Variants in COL13A1 observed in about 807,000 individuals in gnomAD.
The protein encoded by COL13A1 is collagen alpha-1(XIII) chain.
Under a neutral mutation model 130.9 loss-of-function variants are expected in COL13A1, and 89 were observed. The ratio of observed to expected loss-of-function variants is 0.68; its 90% CI spans 0.57 to 0.81. COL13A1 has a LOEUF of 0.81. Ranked by LOEUF, COL13A1 falls within the 30% of genes least tolerant of loss-of-function variation. The probability of loss-of-function intolerance (pLI) is 0.00; values close to 1 mark genes in which losing one functional copy is unlikely to be tolerated. For synonymous variants in COL13A1, 402 were observed against 341.6 expected (o/e 1.18, Z -1.95); for missense variants, 879 against 934.6 (o/e 0.94, Z 0.78).
At position 69,887,399 on chromosome 10, in the gene COL13A1, AT is replaced by A. The variant is rs1455177053; in HGVS notation, c.514-55del. On this transcript the variant is annotated intron_variant, in intron 7 of 40. Coordinates refer to ENST00000645393, the MANE Select transcript of COL13A1 (RefSeq NM_001368882.1). The stretch of plus-strand genomic sequence containing the variant: ...GCAAAGATGAACTGGAGGCCTAGGG[AT>A]TGGCTCTGTCTCCTCCTTGCTCAAT... The A allele has an allele frequency of 3.8e-6, 6 of 1,570,246 alleles. No homozygotes were observed. In the South Asian group the frequency reaches 6.7e-5, roughly 18 times the overall value.
intron 2 of COL13A1, among the ~76,000 whole-genome samples, chr10:69,833,018 G>A (rs1348319365): frequency 1.3e-5 from 2 of 152,188 alleles, no homozygotes; most frequent in Non-Finnish European, 2.9e-5. Context: ...CAAGTGCCTC[G>A]AAGGTAGACC....
At chr10:69,944,236 C>G (rs376886704) in intron 36 of COL13A1, 58 bp downstream of exon 36, 4 of 1,449,504 alleles carry the variant, frequency 2.8e-6, no homozygotes, top group Non-Finnish European at 3.9e-6. Flanking sequence ...TGCCTGGGAC[C>G]CAACACCAGG....
At chr10:69,945,273 T>C (rs936518170) in intron 36 of COL13A1, among the ~76,000 whole-genome samples, 7 of 152,220 alleles carry the variant, frequency 4.6e-5, no homozygotes, top group Non-Finnish European at 8.8e-5. Context: ...GACCACCAGC[T>C]TGGGGAAACC....
At chr10:69,899,068 C>A (rs2061939956) in intron 14 of COL13A1, among the ~76,000 whole-genome samples, 1 of 152,206 alleles carries the variant, frequency 6.6e-6, no homozygotes, top group Non-Finnish European at 1.5e-5. Context: ...ATGAATTAGG[C>A]ATGATCATCC....
At chr10:69,807,909 A>ATT (rs1491452269) in intron 1 of COL13A1, among the ~76,000 whole-genome samples, 1 of 152,204 alleles carries the variant, frequency 6.6e-6, no homozygotes, top group African/African-American at 2.4e-5. Flanking sequence ...CTCAGCAGAC[A>ATT]TTATTAATCA....
intron 28 of COL13A1, 32 bp downstream of exon 28, chr10:69,929,031 C>T (rs752879699): frequency 6.3e-7 from 1 of 1,584,276 alleles, no homozygotes; most frequent in African/African-American, 1.3e-5. Context: ...GGGGTGAAGA[C>T]TTTGCAAGGG....
At chr10:69,921,746 T>C (rs1242276811) in intron 21 of COL13A1, 136 bp from the exon 22 acceptor site, 1 of 1,170,334 alleles carries the variant, frequency 8.5e-7, no homozygotes, top group East Asian at 2.6e-5. Context: ...GTGGAGCCCT[T>C]CAGAAAGCCA....
At chr10:69,842,864 G>A (rs748002555) in intron 2 of COL13A1, among the ~76,000 whole-genome samples, 5 of 152,188 alleles carry the variant, frequency 3.3e-5, no homozygotes, top group Non-Finnish European at 7.3e-5. Context: ...TTTCAGACGG[G>A]GTCCCGGCAG....
chr10:69,941,853 C>T (rs986378906), intron 35 of COL13A1, among the ~76,000 whole-genome samples: 11 of 152,178 alleles, frequency 7.2e-5, no homozygotes, highest in African/African-American at 1.7e-4. Context: ...TGAGCTCACT[C>T]GCCCTCAAGT....
intron 5 of COL13A1, among the ~76,000 whole-genome samples, chr10:69,876,173 G>A (rs59997437): frequency 0.013 from 2,003 of 152,264 alleles, 50 homozygotes; most frequent in African/African-American, 0.046. Context: ...AACTGCATGA[G>A]GTAGACATGG....
chr10:69,855,481 A>C (rs1856154380), intron 2 of COL13A1, among the ~76,000 whole-genome samples: 1 of 152,326 alleles, frequency 6.6e-6, no homozygotes, highest in Admixed American at 6.5e-5. Context: ...CTAATAACAT[A>C]TTATAATAAC....
intron 2 of COL13A1, among the ~76,000 whole-genome samples, chr10:69,845,845 T>C (rs1307553266): frequency 6.6e-6 from 1 of 152,276 alleles, no homozygotes; most frequent in Non-Finnish European, 1.5e-5. Context: ...GAAATCTGCA[T>C]TTAGCAATCC....
At chr10:69,879,749 G>C (rs902532599) in intron 6 of COL13A1, among the ~76,000 whole-genome samples, 2 of 152,140 alleles carry the variant, frequency 1.3e-5, no homozygotes, top group Non-Finnish European at 2.9e-5. Flanking sequence ...CGCACACATG[G>C]CACTTGTCTA....
chr10:69,808,345 C>A (rs1423724303), intron 1 of COL13A1, among the ~76,000 whole-genome samples: 1 of 152,194 alleles, frequency 6.6e-6, no homozygotes, highest in Non-Finnish European at 1.5e-5. Context: ...CCACTCCAAC[C>A]CAATGTGGGC....
rs964145365 is a variant in COL13A1 at position 69,887,366 on chromosome 10, G to A, written c.514-90G>A. ...CAAGGACGATCACACAAAGTGAGAG[G>A]GATGGGAGCAAAGATGAACTGGAGG... On this transcript the variant is annotated intron_variant, in intron 7 of 40. Transcript: ENST00000645393. 46 of 1,344,710 alleles carry A rather than the reference G, an allele frequency of 3.4e-5. No individual in the cohort carries two copies. In the African/African-American group the frequency reaches 5.9e-4, roughly 17 times the overall value. The allele number at this position is 1,344,710 out of a possible 1,614,324, so 83.3% of individuals were successfully genotyped here.
At chr10:69,925,038 G>T (rs140968548) in intron 25 of COL13A1, 31 bp downstream of exon 25, 2 of 1,514,424 alleles carry the variant, frequency 1.3e-6, no homozygotes, top group Non-Finnish European at 1.8e-6. Context: ...GAGTCACAGC[G>T]TGAAGCGGCT....
intron 1 of COL13A1, among the ~76,000 whole-genome samples, chr10:69,807,993 C>T (rs1842017409): frequency 1.3e-5 from 2 of 152,336 alleles, no homozygotes; most frequent in South Asian, 4.1e-4. Context: ...GAAGCTGCTA[C>T]TTACTAGTGA....
At chr10:69,943,690 G>A (rs1339575129) in intron 35 of COL13A1, among the ~76,000 whole-genome samples, 2 of 152,096 alleles carry the variant, frequency 1.3e-5, no homozygotes, top group African/African-American at 4.8e-5. Flanking sequence ...ACCCTCTCTC[G>A]TCTGCCCCTG....
intron 15 of COL13A1, among the ~76,000 whole-genome samples, chr10:69,904,384 C>A (rs1365142151): frequency 3.3e-5 from 5 of 152,180 alleles, no homozygotes; most frequent in Non-Finnish European, 7.3e-5. Context: ...CTTTCTCCAG[C>A]CCACGTTTGC....
Sources: gnomAD v4.1 joint callset for allele counts (sites outside exome capture counted in the v4.1 genomes callset) on GRCh38, gnomAD v4.1.1 for gene constraint, MANE v1.5 for transcripts, NCBI Gene and HGNC (gene_info 2026-07-23, HGNC 2026-07-21) for gene names.